KCNG3: variants seen among roughly 807,000 people sequenced by gnomAD.
KCNG3 encodes the protein voltage-gated potassium channel regulatory subunit KCNG3.
In KCNG3, 15 loss-of-function variants were observed where a neutral mutation model predicts 29.0. That is an observed-to-expected ratio of 0.52 (90% confidence interval 0.35 to 0.80). KCNG3 has a LOEUF of 0.80. KCNG3 is among the 30% of genes least tolerant of loss of function. The pLI, the probability that KCNG3 is intolerant of heterozygous loss-of-function variation, is 0.01. For synonymous variants in KCNG3, 322 were observed against 248.9 expected (o/e 1.29, Z -2.76); for missense variants, 512 against 605.7 (o/e 0.85, Z 1.62).
chr2:42,404,950 G>A, the KCNG3 span, among the ~76,000 whole-genome samples: 7 of 152,144 alleles, frequency 4.6e-5, no homozygotes, highest in African/African-American at 9.7e-5. Context: ...CCCCAAAGCC[G>A]GATCCTGGAC....
At position 42,444,269 on chromosome 2, in the gene KCNG3, A is replaced by G. The variant is rs1379634016; in HGVS notation, c.976T>C (p.Leu326=). 3 of 1,614,102 alleles carry G rather than the reference A, an allele frequency of 1.9e-6. No homozygotes were observed. The African/African-American group carries it at 4.0e-5, about 22-fold the overall frequency. ...LKRCYREMVM[L]LVFICVAMAI... ...ATGGCAACACAAATGAAGACAAGTA[A>G]CATAACCATCTCTCGGTAGCAACGT... is the stretch of plus-strand genomic sequence containing the variant. Residue 326 remains leucine (L), a synonymous_variant, in exon 2 of 2, where the codon TTA becomes CTA. Transcript: ENST00000306078. This position sits in a 1 kb window ranked among gnomAD's most constrained non-coding sequence, Gnocchi z 5.8.
chr2:42,443,999 A>G lies in KCNG3; in HGVS notation c.1246T>C (p.Tyr416His). 1 of 1,614,210 alleles carries G rather than the reference A, an allele frequency of 6.2e-7. No homozygotes were observed. The highest frequency in any genetic ancestry group is 8.5e-7 in the Non-Finnish European group (1 of 1,180,012). ...GCAGATCTAAACTTGAGCTCATGATAACACTGCACAAAGCTATGGTAGATA... is the reference window on the plus strand; with the variant it reads ...GCAGATCTAAACTTGAGCTCATGATGACACTGCACAAAGCTATGGTAGATA... ...TFIYHSFVQC[Y>H]HELKFRSARY... is the part of the protein sequence containing the mutation. Residue 416 changes from tyrosine to histidine, a missense_variant, in exon 2 of 2, where the codon TAT becomes CAT. Transcript: ENST00000306078.
chr2:42,397,389 A>G, the KCNG3 span, among the ~76,000 whole-genome samples: 4 of 152,204 alleles, frequency 2.6e-5, no homozygotes, highest in African/African-American at 9.7e-5. Flanking sequence ...ATATGTAAGT[A>G]CCTGAAAGAC....
the KCNG3 span, among the ~76,000 whole-genome samples, chr2:42,405,143 G>C: frequency 2.6e-4 from 40 of 152,186 alleles, no homozygotes; most frequent in Admixed American, 1.3e-4. Context: ...GCCCTCGAAG[G>C]AGATGGAAAT....
the KCNG3 span, among the ~76,000 whole-genome samples, chr2:42,403,607 C>T: frequency 2.0e-5 from 3 of 146,928 alleles, no homozygotes; most frequent in Non-Finnish European, 4.5e-5. Flanking sequence ...AGTCTCTCTA[C>T]GTGACTTTTT....
the KCNG3 span, among the ~76,000 whole-genome samples, chr2:42,434,488 A>G: frequency 8.6e-6 from 1 of 116,026 alleles, no homozygotes; most frequent in East Asian, 2.4e-4. Context: ...AAAAAAAAAG[A>G]GAGAGAGAGG....
chr2:42,408,212 C>T, the KCNG3 span, among the ~76,000 whole-genome samples: 1 of 152,104 alleles, frequency 6.6e-6, no homozygotes, highest in African/African-American at 2.4e-5. Flanking sequence ...TGAACAGCAG[C>T]GGGAGGCAAG....
intron 1 of KCNG3, among the ~76,000 whole-genome samples, chr2:42,484,372 G>A (rs1673667237): frequency 6.6e-6 from 1 of 152,194 alleles, no homozygotes; most frequent in Non-Finnish European, 1.5e-5. Flanking sequence ...TGAGGCAGGA[G>A]AATTGCTTGA....
rs972778574 is a variant in KCNG3, at chr2:42,443,824, C to G, written c.*110G>C. 3 of 1,039,048 alleles carry G rather than the reference C, an allele frequency of 2.9e-6. No homozygotes were observed. Among genetic ancestry groups the G allele is most frequent in the Non-Finnish European group, 2.8e-6 (2 of 708,868 alleles). The allele number at this position is 1,039,048 out of a possible 1,614,324, so 64.4% of individuals were successfully genotyped here. On this transcript the variant is annotated 3_prime_UTR_variant, in exon 2 of 2. Transcript: ENST00000306078. ...GCTGGGAAGGATAATTTTTACCCTA[C>G]CAAGATGATGACAATGCCACTGCAG...
the KCNG3 span, among the ~76,000 whole-genome samples, chr2:42,431,856 G>C: frequency 6.6e-6 from 1 of 152,124 alleles, no homozygotes; most frequent in Non-Finnish European, 1.5e-5. Context: ...TGGCCAACAT[G>C]GCGAAACCCC....
chr2:42,462,744 C>T (rs1673049322), intron 1 of KCNG3, among the ~76,000 whole-genome samples: 1 of 152,082 alleles, frequency 6.6e-6, no homozygotes, highest in Middle Eastern at 3.2e-3. Flanking sequence ...GTACACACCA[C>T]GAAGCAATGA....
At chr2:42,476,925 C>G (rs1673440567) in intron 1 of KCNG3, among the ~76,000 whole-genome samples, 1 of 151,362 alleles carries the variant, frequency 6.6e-6, no homozygotes, top group Non-Finnish European at 1.5e-5. Context: ...GTGGCTCACA[C>G]CTGTAATCCC....
chr2:42,468,718 G>T (rs1206001939), intron 1 of KCNG3, among the ~76,000 whole-genome samples: 3 of 151,992 alleles, frequency 2.0e-5, no homozygotes, highest in South Asian at 2.1e-4. Context: ...ACTTTGGGAG[G>T]ATGAGGCAAG....
chr2:42,439,278 G>C (rs1257192554), downstream of KCNG3, among the ~76,000 whole-genome samples: 1 of 150,996 alleles, frequency 6.6e-6, no homozygotes, highest in Non-Finnish European at 1.5e-5. Flanking sequence ...ATTTTTTTGA[G>C]AGAGAGAGAG....
intron 1 of KCNG3, among the ~76,000 whole-genome samples, chr2:42,445,625 A>C (rs889824003): frequency 6.6e-6 from 1 of 152,216 alleles, no homozygotes; most frequent in Non-Finnish European, 1.5e-5. Context: ...ACATATTTTT[A>C]AAAGACCACA....
chr2:42,452,770 GGTGT>G (rs57111452), intron 1 of KCNG3, among the ~76,000 whole-genome samples: 3 of 150,202 alleles, frequency 2.0e-5, no homozygotes, highest in African/African-American at 2.4e-5. Context: ...CATTCAACTG[GGTGT>G]GTGTGTGTGT....
At chr2:42,458,019 C>T (rs1483997560) in intron 1 of KCNG3, among the ~76,000 whole-genome samples, 4 of 152,078 alleles carry the variant, frequency 2.6e-5, no homozygotes, top group Non-Finnish European at 4.4e-5. Context: ...TAAGTCATAC[C>T]TTGAATCACG....
intron 1 of KCNG3, among the ~76,000 whole-genome samples, chr2:42,460,975 C>T (rs1019981889): frequency 6.6e-6 from 1 of 151,898 alleles, no homozygotes; most frequent in Admixed American, 6.6e-5. Context: ...CCCTGGCTAA[C>T]GTGGTGAAAC....
chr2:42,447,741 T>C (rs1672638011), intron 1 of KCNG3, among the ~76,000 whole-genome samples: 1 of 152,138 alleles, frequency 6.6e-6, no homozygotes, highest in Non-Finnish European at 1.5e-5. Context: ...CTTGCTATGT[T>C]GCCTGGAATG....
Sources: gnomAD v4.1 joint callset for allele counts (sites outside exome capture counted in the v4.1 genomes callset) on GRCh38, gnomAD v4.1.1 for gene constraint, Gnocchi (gnomAD v3.1) non-coding constraint, MANE v1.5 for transcripts, NCBI Gene and HGNC (gene_info 2026-07-23, HGNC 2026-07-21) for gene names.